Variants in SYTL3 observed in about 807,000 individuals in gnomAD.
The protein encoded by SYTL3 is synaptotagmin like 3, also known as synaptotagmin-like protein 3.
Under a neutral mutation model 82.1 loss-of-function variants are expected in SYTL3, and 88 were observed. That is an observed-to-expected ratio of 1.07 (90% confidence interval 0.90 to 1.28). The LOEUF is 1.28. Among genes scored for constraint, SYTL3 ranks in the 50% most tolerant of loss-of-function variants. The pLI, the probability that SYTL3 is intolerant of heterozygous loss-of-function variation, is 0.00. For missense variants in SYTL3, 831 were observed against 757.6 expected, an observed-to-expected ratio of 1.10 and a Z score of -1.14; for synonymous variants, 311 against 289.4, an observed-to-expected ratio of 1.07 and a Z score of -0.76.
At chr6:158,689,991 C>G (rs1779689226) in intron 6 of SYTL3, among the ~76,000 whole-genome samples, 1 of 152,018 alleles carries the variant, frequency 6.6e-6, no homozygotes, top group Non-Finnish European at 1.5e-5. Flanking sequence ...ATTTTTTTTC[C>G]TCCCAATCCT....
intron 6 of SYTL3, 138 bp downstream of exon 6, chr6:158,683,127 A>T: frequency 1.9e-6 from 1 of 516,264 alleles, no homozygotes. Flanking sequence ...CCATTTGCTG[A>T]TGCTCTCACT....
chr6:158,761,901 C>T (rs1216598780), intron 15 of SYTL3, among the ~76,000 whole-genome samples, 175 bp from the exon 16 acceptor site: 5 of 152,156 alleles, frequency 3.3e-5, no homozygotes, highest in African/African-American at 7.2e-5. Context: ...GTGTGGGCAG[C>T]GCCACAGCCT....
chr6:158,691,085 G>A (rs918529998), intron 6 of SYTL3, among the ~76,000 whole-genome samples: 1 of 152,272 alleles, frequency 6.6e-6, no homozygotes, highest in African/African-American at 2.4e-5. Flanking sequence ...GGTGGCTCAT[G>A]CCTGTAATCC....
chr6:158,663,625 G>A (rs145434085), intron 4 of SYTL3: 7 of 984,890 alleles, frequency 7.1e-6, no homozygotes, highest in African/African-American at 3.5e-5. Context: ...GCCTTTGGGC[G>A]GTAAGTTTGC....
chr6:158,693,912 C>G (rs1271038673), intron 6 of SYTL3, among the ~76,000 whole-genome samples: 1 of 138,770 alleles, frequency 7.2e-6, no homozygotes, highest in Non-Finnish European at 1.5e-5. Flanking sequence ...AGGCTGGTCT[C>G]GAACTCCTGA....
intron 4 of SYTL3, 95 bp from the exon 5 acceptor site, chr6:158,665,300 C>T: frequency 8.4e-7 from 1 of 1,184,192 alleles, no homozygotes; most frequent in African/African-American, 1.5e-5. Flanking sequence ...AAAGCCCCTT[C>T]CCTTGCCATG....
At chr6:158,707,313 C>A (rs1782209895) in intron 7 of SYTL3, 32 bp downstream of exon 7, 30 of 1,609,776 alleles carry the variant, frequency 1.9e-5, no homozygotes, top group Non-Finnish European at 2.5e-5. Context: ...CCGTCCCTGG[C>A]CCTCCGGGGC....
chr6:158,725,395 T>G, intron 10 of SYTL3, 108 bp from the exon 11 acceptor site: 1 of 1,264,678 alleles, frequency 7.9e-7, no homozygotes, highest in Non-Finnish European at 1.1e-6. Context: ...CTCAGAAGTT[T>G]GCATGTTAGT....
At chr6:158,746,419 C>T (rs1562455559) in intron 12 of SYTL3, among the ~76,000 whole-genome samples, 1 of 148,442 alleles carries the variant, frequency 6.7e-6, no homozygotes. Context: ...CACTGACAGA[C>T]ATGAAAAGGT....
At chr6:158,744,469 G>A (rs954876780) in intron 11 of SYTL3, among the ~76,000 whole-genome samples, 1 of 151,704 alleles carries the variant, frequency 6.6e-6, no homozygotes, top group African/African-American at 2.4e-5. Context: ...CACCATGCCT[G>A]GCTAATTTTT....
At chr6:158,710,488 G>A (rs912310998) in intron 8 of SYTL3, among the ~76,000 whole-genome samples, 2 of 149,846 alleles carry the variant, frequency 1.3e-5, no homozygotes, top group Admixed American at 6.7e-5. Flanking sequence ...GTGTGATGAC[G>A]TACTTTGAAG....
chr6:158,699,553 C>G (rs551817379), intron 6 of SYTL3, among the ~76,000 whole-genome samples: 1 of 152,164 alleles, frequency 6.6e-6, no homozygotes, highest in African/African-American at 2.4e-5. Context: ...TCTTACTCCC[C>G]GCTGCCTCAA....
In SYTL3 at chr6:158,763,306, G is replaced by C. The variant is rs921929887; in HGVS notation, c.1520G>C (p.Cys507Ser). 1 of 1,614,152 alleles carries C rather than the reference G, an allele frequency of 6.2e-7. No individual in the cohort carries two copies. Among genetic ancestry groups the C allele is most frequent in the South Asian group, 1.1e-5 (1 of 91,082 alleles). The change falls in exon 17 of 18, where the codon TGT (cysteine) becomes TCT (serine). Residue 507 changes from cysteine to serine, a missense_variant and splice_region_variant. By Grantham distance (112) the Cys-to-Ser change is moderately radical. Coordinates refer to ENST00000611299, the MANE Select transcript of SYTL3 (RefSeq NM_001242394.2). ...DGTLNSFVKGCLTLPDQQKLR... is the reference protein window; with the variant it reads ...DGTLNSFVKGSLTLPDQQKLR... ...CAGGGTTTGTGTTCCCTCTTCAGCT[G>C]TCTCACTCTGCCAGACCAACAAAAA...
At chr6:158,657,650 T>C (rs566784763) in intron 2 of SYTL3, among the ~76,000 whole-genome samples, 1 of 152,292 alleles carries the variant, frequency 6.6e-6, no homozygotes, top group Admixed American at 6.5e-5. Context: ...TACTTGTATA[T>C]GTAAACTGCA....
At chr6:158,750,091 G>C (rs1230124995) in intron 12 of SYTL3, among the ~76,000 whole-genome samples, 2 of 152,142 alleles carry the variant, frequency 1.3e-5, no homozygotes, top group African/African-American at 4.8e-5. Context: ...GGCAGTTACA[G>C]CAACATAGAT....
intron 6 of SYTL3, among the ~76,000 whole-genome samples, chr6:158,694,581 C>T (rs1192261491): frequency 6.6e-6 from 1 of 152,208 alleles, no homozygotes; most frequent in Non-Finnish European, 1.5e-5. Context: ...AGGCATGAGC[C>T]ACTGCACCTG....
intron 13 of SYTL3, 122 bp from the exon 14 acceptor site, chr6:158,757,089 T>G (rs1789218594): frequency 1.2e-6 from 1 of 813,916 alleles, no homozygotes; most frequent in Non-Finnish European, 1.7e-6. Flanking sequence ...ACTCAGCCTG[T>G]GGGAGGGAGG....
At chr6:158,756,435 T>A (rs1583496544) in intron 13 of SYTL3, among the ~76,000 whole-genome samples, 1 of 152,158 alleles carries the variant, frequency 6.6e-6, no homozygotes, top group Admixed American at 6.5e-5. Flanking sequence ...TGCAGGCTGG[T>A]GCAGTGGCTC....
Position 158,761,301 on chromosome 6 carries a change from C to CTTTTTTTTTT in SYTL3, c.1414+566_1414+575dup, listed in dbSNP as rs11463987. Among the ~76,000 whole-genome samples, 80 of 93,836 alleles carry CTTTTTTTTTT rather than the reference C, an allele frequency of 8.5e-4. 1 individual carries two copies. Among genetic ancestry groups the CTTTTTTTTTT allele is most frequent in the Middle Eastern group, 6.9e-3 (1 of 144 alleles). 61.6% of individuals were successfully genotyped at this position (93,836 alleles called of 152,430 possible). A position where few individuals can be genotyped will look rare whatever the true frequency, so the allele number is the denominator to read the frequency against. On this transcript the variant is annotated intron_variant, in intron 15 of 17. Transcript: ENST00000611299. ...AGGAGGACTGGGAGAATGCACATTT[C>CTTTTTTTTTT]TTTTTTTTTTTTTTTTTTTGAGACA...
Sources: gnomAD v4.1 joint callset for allele counts (sites outside exome capture counted in the v4.1 genomes callset) on GRCh38, gnomAD v4.1.1 for gene constraint, MANE v1.5 for transcripts, NCBI Gene and HGNC (gene_info 2026-07-23, HGNC 2026-07-21) for gene names.